Variants in ERCC8 observed in about 807,000 individuals in gnomAD.
ERCC8 encodes ERCC excision repair 8, CSA ubiquitin ligase complex subunit, also known as DNA excision repair protein ERCC-8.
In ERCC8, 52 loss-of-function variants were observed where a neutral mutation model predicts 54.9. The observed-to-expected ratio is 0.95, with a 90% CI of 0.76 to 1.19. ERCC8 has a LOEUF of 1.19. Ranked by LOEUF, ERCC8 falls within the 50% of genes most tolerant of loss-of-function variation. The pLI is 0.00. For missense variants in ERCC8, 514 were observed against 466.1 expected (o/e 1.10, Z -0.95); for synonymous variants, 146 against 157.2 (o/e 0.93, Z 0.53).
rs1259997422 is a variant in ERCC8, at chr5:60,872,735, C to T, written c.*1880G>A. Reference sequence around the variant, plus strand: ...TGGTAGGAATGTAAATTAGTACAGCCATTATGGAAGACAGTATGGAGTTTC... The same window carrying T: ...TGGTAGGAATGTAAATTAGTACAGCTATTATGGAAGACAGTATGGAGTTTC... On this transcript the variant is annotated 3_prime_UTR_variant, in exon 12 of 12. Transcript: ENST00000676185. Among the ~76,000 whole-genome samples, 1 of 152,080 alleles carries T rather than the reference C, an allele frequency of 6.6e-6. No homozygotes were observed. Among genetic ancestry groups the T allele is most frequent in the Non-Finnish European group, 1.5e-5 (1 of 68,014 alleles).
At chr5:60,912,452 A>G (rs1214313829) in intron 4 of ERCC8, among the ~76,000 whole-genome samples, 1 of 152,040 alleles carries the variant, frequency 6.6e-6, no homozygotes, top group Non-Finnish European at 1.5e-5. Flanking sequence ...GTATCCTGAG[A>G]CTTTGCTGAA....
At chr5:60,911,109 G>A (rs985612722) in intron 4 of ERCC8, among the ~76,000 whole-genome samples, 1 of 151,748 alleles carries the variant, frequency 6.6e-6, no homozygotes, top group African/African-American at 2.4e-5. Context: ...ATGTGACAAC[G>A]TGCAGGTTTG....
In ERCC8 at chr5:60,929,048, A is replaced by G; in HGVS notation, c.78-89T>C. The G allele has an allele frequency of 3.9e-6, 3 of 768,958 alleles. No individual in the cohort carries two copies. In the South Asian group the frequency reaches 4.6e-5, roughly 12 times the overall value. 47.6% of individuals were successfully genotyped at this position (768,958 alleles called of 1,614,324 possible). A position where few individuals can be genotyped will look rare whatever the true frequency, so the allele number is the denominator to read the frequency against. ...AACCAAGATTACTTATGGTACAAAA[A>G]TCACAAGAAATGTCTAAATCTTCTA... On this transcript the variant is annotated intron_variant, in intron 1 of 11. Coordinates refer to ENST00000676185, the MANE Select transcript of ERCC8 (RefSeq NM_000082.4).
At position 60,945,027 on chromosome 5, in the gene ERCC8, C is replaced by A; in HGVS notation, c.-19G>T. On this transcript the variant is annotated 5_prime_UTR_variant, in exon 1 of 12. Coordinates refer to ENST00000676185, the MANE Select transcript of ERCC8 (RefSeq NM_000082.4). ...CCAGCATATCGTGTCCTCACACCGG[C>A]TGGAGCACTGGACGTCGCCATGACA... 3.7e-6 allele frequency: 6 copies of A among 1,607,630 alleles called. No homozygotes were observed. Among genetic ancestry groups the A allele is most frequent in the Admixed American group, 1.7e-5 (1 of 60,016 alleles).
At position 60,872,507 on chromosome 5, in the gene ERCC8, C is replaced by T. The variant is rs1220261790; in HGVS notation, c.*2108G>A. Among the ~76,000 whole-genome samples the T allele has an allele frequency of 6.6e-6, 1 of 152,124 alleles. No individual in the cohort carries two copies. The highest frequency in any genetic ancestry group is 1.9e-4 in the East Asian group (1 of 5,196). On this transcript the variant is annotated 3_prime_UTR_variant, in exon 12 of 12. Coordinates refer to ENST00000676185, the MANE Select transcript of ERCC8 (RefSeq NM_000082.4). ...TGAAAAGACAGTTCTCAAAAGAAGA[C>T]ATGCAAATGGCCAGCAGATATATGA...
chr5:60,869,885 C>T lies in ERCC8; in HGVS notation c.*4730G>A, dbSNP rs760277412. 4.6e-5 allele frequency among the ~76,000 whole-genome samples: 7 copies of T among 151,778 alleles called. No individual in the cohort carries two copies. Among genetic ancestry groups the T allele is most frequent in the Non-Finnish European group, 8.8e-5 (6 of 67,982 alleles). On this transcript the variant is annotated 3_prime_UTR_variant, in exon 12 of 12. Coordinates refer to ENST00000676185, the MANE Select transcript of ERCC8 (RefSeq NM_000082.4). The stretch of plus-strand genomic sequence containing the variant: ...GGCAGAATATAAGTACCTTAGGTGA[C>T]GAAAGGACAGCCAAGACAGCGTGAA...
chr5:60,871,403 A>G lies in ERCC8; in HGVS notation c.*3212T>C, dbSNP rs187929959. Among the ~76,000 whole-genome samples the G allele has an allele frequency of 1.6e-4, 25 of 152,350 alleles. No homozygotes were observed. The highest frequency in any genetic ancestry group is 3.2e-4 in the Non-Finnish European group (22 of 68,034). On this transcript the variant is annotated 3_prime_UTR_variant, in exon 12 of 12. Transcript: ENST00000676185. The stretch of plus-strand genomic sequence containing the variant: ...TGCAAAATAAAAATACATCCCCTAT[A>G]TGTCTGCATAGATATATATAGGATT...
In ERCC8 at chr5:60,881,264, T is replaced by C. The variant is rs77558088; in HGVS notation, c.1122+6176A>G. Among the ~76,000 whole-genome samples, 235 of 152,316 alleles carry C rather than the reference T, an allele frequency of 1.5e-3. 1 individual carries two copies. The highest frequency in any genetic ancestry group is 5.5e-3 in the African/African-American group (228 of 41,576). On this transcript the variant is annotated intron_variant, in intron 11 of 11. Transcript: ENST00000676185. ...CACCTGGCTCTGTGAGGTGTCAGTC[T>C]GCCCCTACTGGGGGGTGCCTCACAG... is the stretch of plus-strand genomic sequence containing the variant.
chr5:60,899,566 A>G, intron 8 of ERCC8, 61 bp downstream of exon 8: 2 of 1,286,542 alleles, frequency 1.6e-6, no homozygotes, highest in Non-Finnish European at 2.3e-6. Flanking sequence ...GGCTTCAATT[A>G]AAAATTTTCA....
chr5:60,902,525 A>G lies in ERCC8; in HGVS notation c.551-17T>C. The stretch of plus-strand genomic sequence containing the variant: ...GTCTGTGACCTGCAAATACAACTAT[A>G]TGAAAAGTCTTGCAAGATATCTGAA... On this transcript the variant is annotated splice_polypyrimidine_tract_variant and intron_variant, in intron 6 of 11. Coordinates refer to ENST00000676185, the MANE Select transcript of ERCC8 (RefSeq NM_000082.4). The G allele has an allele frequency of 1.2e-6, 2 of 1,602,698 alleles. No homozygotes were observed. The highest frequency in any genetic ancestry group is 2.2e-5 in the South Asian group (2 of 90,770).
chr5:60,888,829 TTA>T (rs1013802170), intron 10 of ERCC8, among the ~76,000 whole-genome samples: 2 of 152,200 alleles, frequency 1.3e-5, no homozygotes, highest in African/African-American at 4.8e-5. Context: ...GTACTTCCCC[TTA>T]TAGTTACAAA....
chr5:60,890,866 T>C (rs1221658978), intron 10 of ERCC8, 23 bp downstream of exon 10: 1 of 1,579,464 alleles, frequency 6.3e-7, no homozygotes, highest in Non-Finnish European at 8.7e-7. Context: ...GCTGAACATT[T>C]TAAATTCCTG....
intron 3 of ERCC8, among the ~76,000 whole-genome samples, chr5:60,919,764 A>G (rs755389840): frequency 5.9e-5 from 9 of 151,940 alleles, no homozygotes; most frequent in Non-Finnish European, 1.0e-4. Flanking sequence ...GTGGTAACTA[A>G]ATCAACTTAG....
chr5:60,914,212 T>C (rs1229588777), intron 4 of ERCC8, among the ~76,000 whole-genome samples: 1 of 152,056 alleles, frequency 6.6e-6, no homozygotes, highest in African/African-American at 2.4e-5. Flanking sequence ...CCCATTATTA[T>C]TGTGTGGGAG....
chr5:60,900,066 C>T (rs559038234), intron 7 of ERCC8, among the ~76,000 whole-genome samples: 2 of 152,108 alleles, frequency 1.3e-5, no homozygotes, highest in South Asian at 4.1e-4. Flanking sequence ...CCTTACCATA[C>T]CTTTTCTACT....
intron 9 of ERCC8, chr5:60,893,292 C>A (rs1335275813): frequency 5.3e-6 from 5 of 950,552 alleles, no homozygotes; most frequent in Non-Finnish European, 8.7e-6. Context: ...TGCAAAACTT[C>A]TTCCTTACAC....
chr5:60,895,069 G>T (rs1748684801), intron 9 of ERCC8, among the ~76,000 whole-genome samples: 1 of 151,558 alleles, frequency 6.6e-6, no homozygotes, highest in Non-Finnish European at 1.5e-5. Flanking sequence ...TACTCAGGAG[G>T]CTGAGAGAGA....
At chr5:60,910,237 T>C (rs1410277091) in intron 4 of ERCC8, among the ~76,000 whole-genome samples, 1 of 152,190 alleles carries the variant, frequency 6.6e-6, no homozygotes, top group African/African-American at 2.4e-5. Context: ...CCAGTTCCAC[T>C]GTATGGTGTT....
At chr5:60,925,902 C>A (rs750459388) in intron 2 of ERCC8, among the ~76,000 whole-genome samples, 3 of 152,158 alleles carry the variant, frequency 2.0e-5, no homozygotes, top group Non-Finnish European at 4.4e-5. Flanking sequence ...CGGCTCACTG[C>A]AACCTCTGCC....
Sources: allele counts gnomAD v4.1 joint callset (sites outside exome capture counted in the v4.1 genomes callset), GRCh38; gene constraint gnomAD v4.1.1; transcripts MANE v1.5; gene names NCBI Gene and HGNC (gene_info 2026-07-23, HGNC 2026-07-21).